DCPS: variants seen among roughly 807,000 people sequenced by gnomAD.
DCPS encodes decapping enzyme, scavenger.
A neutral mutation model predicts 34.7 loss-of-function variants in DCPS; 27 were observed. The observed-to-expected ratio is 0.78, with a 90% CI of 0.57 to 1.07. DCPS has a LOEUF of 1.07. Ranked by LOEUF, DCPS falls within the 50% of genes least tolerant of loss-of-function variation. DCPS has a pLI of 0.00. For synonymous variants in DCPS, 185 were observed against 185.7 expected (o/e 1.00, Z 0.03); for missense variants, 464 against 436.9 (o/e 1.06, Z -0.55).
In DCPS at chr11:126,322,596, C is replaced by CTT. The variant is rs747786581; in HGVS notation, c.377-8795_377-8794dup. Among the ~76,000 whole-genome samples the CTT allele has an allele frequency of 2.0e-4, 28 of 137,926 alleles. No individual in the cohort carries two copies. The highest frequency in any genetic ancestry group is 4.6e-4 in the South Asian group (2 of 4,310). The allele number at this position is 137,926 out of a possible 152,430, so 90.5% of individuals were successfully genotyped here. ...AGATTTTCTTTCTATCCTAAAATTC[C>CTT]TTTTTTTTTTTTTTTGAGACGAAGT... is the stretch of plus-strand genomic sequence containing the variant. On this transcript the variant is annotated intron_variant, in intron 2 of 5. Coordinates refer to ENST00000263579, the MANE Select transcript of DCPS (RefSeq NM_014026.6). The surrounding 1 kb of genome is among the most constrained non-coding windows in gnomAD (Gnocchi z 4.2).
At position 126,333,916 on chromosome 11, in the gene DCPS, G is replaced by T. The variant is rs1317416459; in HGVS notation, c.522+2366G>T. On this transcript the variant is annotated intron_variant, in intron 3 of 5. Coordinates refer to ENST00000263579, the MANE Select transcript of DCPS (RefSeq NM_014026.6). The surrounding 1 kb of genome is among the most constrained non-coding windows in gnomAD (Gnocchi z 5.7). ...CTGATATTTCTGACAACCATCAGAT[G>T]TGAGAACAGTTGCCATAGGCAGTGA... Among the ~76,000 whole-genome samples, 2 of 152,068 alleles carry T rather than the reference G, an allele frequency of 1.3e-5. No individual in the cohort carries two copies. The highest frequency in any genetic ancestry group is 2.9e-5 in the Non-Finnish European group (2 of 68,034).
chr11:126,304,305 G>T, intron 1 of DCPS, 24 bp downstream of exon 1: 1 of 1,613,022 alleles, frequency 6.2e-7, no homozygotes, highest in Non-Finnish European at 8.5e-7. Flanking sequence ...ACCCTGAGGT[G>T]GGATGCGGGA....
intron 2 of DCPS, among the ~76,000 whole-genome samples, chr11:126,330,643 C>T (rs573737424): frequency 7.0e-4 from 99 of 141,044 alleles, no homozygotes; most frequent in Non-Finnish European, 1.1e-3. Flanking sequence ...AACCACTGCG[C>T]TCTGCTGCAC....
Position 126,347,296 on chromosome 11 carries a change from T to C in DCPS, c.*1683T>C, listed in dbSNP as rs1290774704. Among the ~76,000 whole-genome samples, 1 of 146,928 alleles carries C rather than the reference T, an allele frequency of 6.8e-6. No individual in the cohort carries two copies. The highest frequency in any genetic ancestry group is 1.5e-5 in the Non-Finnish European group (1 of 67,192). Reference sequence around the variant, plus strand: ...TGGAGTGCAGTGGCACAATCTCGACTCACTGCAACCTCTGCCTCCTGGGTT... The same window carrying C: ...TGGAGTGCAGTGGCACAATCTCGACCCACTGCAACCTCTGCCTCCTGGGTT... On this transcript the variant is annotated 3_prime_UTR_variant, in exon 6 of 6. Transcript: ENST00000263579. The surrounding 1 kb of genome is among the most constrained non-coding windows in gnomAD (Gnocchi z 4.2).
At chr11:126,324,504 G>T (rs1007859317) in intron 2 of DCPS, among the ~76,000 whole-genome samples, 1 of 151,904 alleles carries the variant, frequency 6.6e-6, no homozygotes, top group African/African-American at 2.4e-5. Flanking sequence ...CCCTAGGCTG[G>T]AGTGCAGTGG....
At position 126,347,272 on chromosome 11, in the gene DCPS, G is replaced by A. The variant is rs1003865474; in HGVS notation, c.*1659G>A. 6.8e-6 allele frequency among the ~76,000 whole-genome samples: 1 copy of A among 147,240 alleles called. No homozygotes were observed. Among genetic ancestry groups the A allele is most frequent in the Non-Finnish European group, 1.5e-5 (1 of 67,396 alleles). ...ACAATCTCGCTCCATCACCCAGGCT[G>A]GAGTGCAGTGGCACAATCTCGACTC... On this transcript the variant is annotated 3_prime_UTR_variant, in exon 6 of 6. Coordinates refer to ENST00000263579, the MANE Select transcript of DCPS (RefSeq NM_014026.6). The surrounding 1 kb of genome is among the most constrained non-coding windows in gnomAD (Gnocchi z 4.2).
In DCPS at chr11:126,332,174, C is replaced by T. The variant is rs146651844; in HGVS notation, c.522+624C>T. On this transcript the variant is annotated intron_variant, in intron 3 of 5. Transcript: ENST00000263579. The surrounding 1 kb of genome is among the most constrained non-coding windows in gnomAD (Gnocchi z 5.4). ...GAAAAACTCTTCCCTCACCGACTCC[C>T]CCTTGCATTCGTCCAAAAGAAGGCA... Among the ~76,000 whole-genome samples the T allele has an allele frequency of 6.6e-6, 1 of 152,306 alleles. No homozygotes were observed. Among genetic ancestry groups the T allele is most frequent in the East Asian group, 1.9e-4 (1 of 5,168 alleles).
chr11:126,316,701 G>GT (rs1271356663), intron 2 of DCPS, among the ~76,000 whole-genome samples: 2 of 150,816 alleles, frequency 1.3e-5, no homozygotes, highest in African/African-American at 4.9e-5. Flanking sequence ...CGCTCAGGCT[G>GT]TAGTGCGGTG....
At chr11:126,311,701 G>T (rs1951619540) in intron 2 of DCPS, among the ~76,000 whole-genome samples, 1 of 152,204 alleles carries the variant, frequency 6.6e-6, no homozygotes, top group Admixed American at 6.5e-5. Context: ...GATGGGGTGG[G>T]ATGGTGGCAG....
Position 126,304,106 on chromosome 11 carries a change from G to C in DCPS, c.26G>C (p.Gly9Ala), listed in dbSNP as rs770582008. 1 of 1,612,096 alleles carries C rather than the reference G, an allele frequency of 6.2e-7. No individual in the cohort carries two copies. The highest frequency in any genetic ancestry group is 8.5e-7 in the Non-Finnish European group (1 of 1,179,114). Residue 9 changes from glycine to alanine, a missense_variant, in exon 1 of 6, where the codon GGC becomes GCC. Physicochemically the swap from Gly to Ala is moderately conservative, Grantham distance 60. Transcript: ENST00000263579. MADAAPQL[G>A]KRKRELDVEE... ...ATGGCGGACGCAGCTCCTCAACTAG[G>C]CAAGAGGAAGCGCGAATTGGACGTG...
In DCPS at chr11:126,322,596, CT is replaced by C. The variant is rs747786581; in HGVS notation, c.377-8794del. 2.5e-3 allele frequency among the ~76,000 whole-genome samples: 338 copies of C among 137,838 alleles called. 1 individual carries two copies. The highest frequency in any genetic ancestry group is 5.8e-3 in the East Asian group (27 of 4,650). 90.4% of individuals were successfully genotyped at this position (137,838 alleles called of 152,430 possible). ...AGATTTTCTTTCTATCCTAAAATTC[CT>C]TTTTTTTTTTTTTTGAGACGAAGTC... On this transcript the variant is annotated intron_variant, in intron 2 of 5. Coordinates refer to ENST00000263579, the MANE Select transcript of DCPS (RefSeq NM_014026.6). This position sits in a 1 kb window ranked among gnomAD's most constrained non-coding sequence, Gnocchi z 4.2.
In DCPS at chr11:126,336,989, C is replaced by T. The variant is rs1027422013; in HGVS notation, c.523-1297C>T. The T allele has an allele frequency of 2.6e-5, 4 of 152,328 alleles. No individual in the cohort carries two copies. Among genetic ancestry groups the T allele is most frequent in the Non-Finnish European group, 4.4e-5 (3 of 68,174 alleles). 9.4% of individuals were successfully genotyped at this position (152,328 alleles called of 1,614,324 possible). A position where few individuals can be genotyped will look rare whatever the true frequency, so the allele number is the denominator to read the frequency against. ...CAGCTGCCCTCTCCCCCGGTCCATC[C>T]CAGCTGAGAGGCGAGGATGCAATGC... is the stretch of plus-strand genomic sequence containing the variant. On this transcript the variant is annotated intron_variant, in intron 3 of 5. Coordinates refer to ENST00000263579, the MANE Select transcript of DCPS (RefSeq NM_014026.6). This position sits in a 1 kb window ranked among gnomAD's most constrained non-coding sequence, Gnocchi z 6.3.
chr11:126,305,061 G>GAA (rs1951552460), intron 1 of DCPS, among the ~76,000 whole-genome samples: 1 of 152,138 alleles, frequency 6.6e-6, no homozygotes, highest in Non-Finnish European at 1.5e-5. Flanking sequence ...GGGAACCTTG[G>GAA]CCTAGGCTTC....
rs1446382204 is a variant in DCPS, at chr11:126,325,925, C to G, written c.377-5480C>G. On this transcript the variant is annotated intron_variant, in intron 2 of 5. Transcript: ENST00000263579. The surrounding 1 kb of genome is among the most constrained non-coding windows in gnomAD (Gnocchi z 4.3). Reference sequence around the variant, plus strand: ...ACGAGATCAGGAAATCGAGGCCATCCTGGCCAACTTGGTGAAACCCTGTCT... The same window carrying G: ...ACGAGATCAGGAAATCGAGGCCATCGTGGCCAACTTGGTGAAACCCTGTCT... 6.6e-6 allele frequency among the ~76,000 whole-genome samples: 1 copy of G among 152,112 alleles called. No homozygotes were observed. Among genetic ancestry groups the G allele is most frequent in the African/African-American group, 2.4e-5 (1 of 41,412 alleles).
Position 126,319,786 on chromosome 11 carries a change from G to A in DCPS, c.377-11619G>A, listed in dbSNP as rs1180217110. 6.6e-6 allele frequency among the ~76,000 whole-genome samples: 1 copy of A among 152,178 alleles called. No homozygotes were observed. On this transcript the variant is annotated intron_variant, in intron 2 of 5. Coordinates refer to ENST00000263579, the MANE Select transcript of DCPS (RefSeq NM_014026.6). The surrounding 1 kb of genome is among the most constrained non-coding windows in gnomAD (Gnocchi z 4.5). ...AAGAGGTTGGGCCTTTGGGATACGGGAGTATTGCATAGAGGAACCAGACTG... is the reference window on the plus strand; with the variant it reads ...AAGAGGTTGGGCCTTTGGGATACGGAAGTATTGCATAGAGGAACCAGACTG...
At chr11:126,307,958 G>C (rs1009783990) in intron 2 of DCPS, among the ~76,000 whole-genome samples, 3 of 152,238 alleles carry the variant, frequency 2.0e-5, no homozygotes, top group Admixed American at 6.5e-5. Flanking sequence ...TCATTCTGTG[G>C]GCCGGCCAGT....
At chr11:126,326,949 A>G (rs965727730) in intron 2 of DCPS, among the ~76,000 whole-genome samples, 4 of 152,098 alleles carry the variant, frequency 2.6e-5, no homozygotes, top group Non-Finnish European at 5.9e-5. Flanking sequence ...AAACAAAATA[A>G]AAGGACTTCA....
chr11:126,317,040 G>A (rs1322415661), intron 2 of DCPS, among the ~76,000 whole-genome samples: 1 of 136,664 alleles, frequency 7.3e-6, no homozygotes, highest in African/African-American at 2.8e-5. Context: ...CTCACTGCAA[G>A]CTCCGCCTCC....
chr11:126,339,693 C>T (rs75098392), intron 4 of DCPS, among the ~76,000 whole-genome samples: 1 of 152,230 alleles, frequency 6.6e-6, no homozygotes, highest in Non-Finnish European at 1.5e-5. Flanking sequence ...CCTGCATCCA[C>T]TCTGCCCTTC....
Sources: allele counts gnomAD v4.1 joint callset (sites outside exome capture counted in the v4.1 genomes callset), GRCh38; gene constraint gnomAD v4.1.1; non-coding constraint Gnocchi (gnomAD v3.1); transcripts MANE v1.5; gene names NCBI Gene and HGNC (gene_info 2026-07-23, HGNC 2026-07-21).